The following FCHSD2 variants were observed in gnomAD, a reference collection of about 807,000 sequenced individuals.
The protein encoded by FCHSD2 is FCH and double SH3 domains 2.
In FCHSD2, 38 loss-of-function variants were observed where a neutral mutation model predicts 108.1. The observed-to-expected ratio is 0.35, with a 90% CI of 0.27 to 0.46. The LOEUF (loss-of-function observed/expected upper bound fraction) is 0.46. Ranked by LOEUF, FCHSD2 falls within the 20% of genes least tolerant of loss-of-function variation. FCHSD2 has a pLI of 1.00. For synonymous variants in FCHSD2, 279 were observed against 314.7 expected (o/e 0.89, Z 1.20); for missense variants, 751 against 897.8 (o/e 0.84, Z 2.09).
At chr11:72,949,578 A>G (rs1354142717) in intron 8 of FCHSD2, among the ~76,000 whole-genome samples, 2 of 152,236 alleles carry the variant, frequency 1.3e-5, no homozygotes, top group African/African-American at 2.4e-5. Flanking sequence ...TCTACTTTCT[A>G]CATTTCTGGA....
At chr11:72,855,320 C>A (rs539496497) in intron 13 of FCHSD2, among the ~76,000 whole-genome samples, 184 of 150,512 alleles carry the variant, frequency 1.2e-3, no homozygotes, top group African/African-American at 4.0e-3. Context: ...ACAAAAAAGA[C>A]CAAAAAGTTG....
chr11:73,100,138 C>A (rs562629065), intron 2 of FCHSD2, among the ~76,000 whole-genome samples: 70 of 152,294 alleles, frequency 4.6e-4, no homozygotes, highest in African/African-American at 1.5e-3. Context: ...GCTGCCCCCA[C>A]CACTCTTCTC....
chr11:72,875,801 G>A (rs1854956509), intron 12 of FCHSD2, among the ~76,000 whole-genome samples: 1 of 152,122 alleles, frequency 6.6e-6, no homozygotes, highest in South Asian at 2.1e-4. Context: ...TTGGCTAGTG[G>A]GGCATTTGCC....
chr11:73,040,016 C>A (rs1353243463), intron 3 of FCHSD2, among the ~76,000 whole-genome samples: 1 of 152,152 alleles, frequency 6.6e-6, no homozygotes, highest in Admixed American at 6.5e-5. Context: ...TTTCTCCCAG[C>A]AAAATGGAGG....
intron 2 of FCHSD2, among the ~76,000 whole-genome samples, chr11:73,112,962 G>A (rs193171980): frequency 3.5e-4 from 54 of 152,170 alleles, no homozygotes; most frequent in African/African-American, 1.0e-3. Flanking sequence ...CACTGCCCTC[G>A]GCCAGATATG....
intron 2 of FCHSD2, among the ~76,000 whole-genome samples, chr11:73,094,890 G>A (rs572910160): frequency 9.9e-5 from 15 of 152,138 alleles, no homozygotes; most frequent in Non-Finnish European, 1.6e-4. Flanking sequence ...CAAGCGGAAC[G>A]AACAACTGAA....
chr11:72,848,407 G>A (rs1413761088), intron 14 of FCHSD2, among the ~76,000 whole-genome samples: 1 of 152,172 alleles, frequency 6.6e-6, no homozygotes, highest in Admixed American at 6.5e-5. Flanking sequence ...ACTGCATCTA[G>A]AAAGGTCTTA....
intron 3 of FCHSD2, among the ~76,000 whole-genome samples, chr11:73,031,875 G>C (rs1037083021): frequency 2.6e-5 from 4 of 152,172 alleles, no homozygotes; most frequent in African/African-American, 7.2e-5. Flanking sequence ...TATAGGGAAG[G>C]CACTGTATTA....
At chr11:73,077,322 C>T (rs944831238) in intron 3 of FCHSD2, among the ~76,000 whole-genome samples, 47 of 152,082 alleles carry the variant, frequency 3.1e-4, no homozygotes, top group South Asian at 8.3e-4. Context: ...TGCTTAGCAT[C>T]ATTAGATATT....
chr11:72,985,022 G>T, intron 7 of FCHSD2, 40 bp downstream of exon 7: 1 of 808,250 alleles, frequency 1.2e-6, no homozygotes, highest in South Asian at 1.5e-5. Flanking sequence ...TACAAGCTAA[G>T]AGGTTTCTCA....
At chr11:72,922,487 G>A (rs968456425) in intron 8 of FCHSD2, among the ~76,000 whole-genome samples, 1 of 151,946 alleles carries the variant, frequency 6.6e-6, no homozygotes, top group Admixed American at 6.6e-5. Flanking sequence ...ATCTATGAAG[G>A]GTTGGAAACA....
chr11:72,878,282 C>A (rs183249206), intron 12 of FCHSD2, among the ~76,000 whole-genome samples: 1 of 151,950 alleles, frequency 6.6e-6, no homozygotes, highest in African/African-American at 2.4e-5. Flanking sequence ...ATATTGAGAC[C>A]CTGTCTCTAA....
chr11:73,141,433 G>C (rs1445272868), intron 1 of FCHSD2: 1 of 184,488 alleles, frequency 5.4e-6, no homozygotes, highest in Non-Finnish European at 1.1e-5. Context: ...TTTGCAAACG[G>C]GCGGGGCTGG....
At chr11:72,934,945 C>G (rs1273881772) in intron 8 of FCHSD2, among the ~76,000 whole-genome samples, 1 of 152,082 alleles carries the variant, frequency 6.6e-6, no homozygotes, top group East Asian at 1.9e-4. Flanking sequence ...AATTTGAATG[C>G]CTTTAAGCAG....
intron 12 of FCHSD2, among the ~76,000 whole-genome samples, 175 bp downstream of exon 12, chr11:72,887,295 A>G (rs1855217561): frequency 6.6e-6 from 1 of 152,032 alleles, no homozygotes; most frequent in Admixed American, 6.6e-5. Flanking sequence ...TCTTTTTGTT[A>G]TATGTACTGC....
intron 13 of FCHSD2, among the ~76,000 whole-genome samples, chr11:72,856,897 C>T (rs886336421): frequency 3.1e-4 from 47 of 152,132 alleles, no homozygotes; most frequent in African/African-American, 1.1e-3. Context: ...ACATTGCCTT[C>T]ATATTCTAGG....
At chr11:72,856,990 G>A (rs1565290844) in intron 13 of FCHSD2, among the ~76,000 whole-genome samples, 1 of 152,116 alleles carries the variant, frequency 6.6e-6, no homozygotes, top group Non-Finnish European at 1.5e-5. Flanking sequence ...TAAAAATGTG[G>A]GTAGAACAAG....
chr11:72,964,453 C>T (rs1380441284), intron 8 of FCHSD2, among the ~76,000 whole-genome samples: 2 of 152,190 alleles, frequency 1.3e-5, no homozygotes, highest in Non-Finnish European at 2.9e-5. Flanking sequence ...GTTATTCCTT[C>T]CCCTTTGTGC....
chr11:72,924,203 A>ATTT (rs924455467), intron 8 of FCHSD2, among the ~76,000 whole-genome samples: 4 of 152,284 alleles, frequency 2.6e-5, no homozygotes, highest in Admixed American at 2.6e-4. Context: ...AGCCTCCTAA[A>ATTT]TAGCTGGGAC....
Sources: allele counts gnomAD v4.1 joint callset (sites outside exome capture counted in the v4.1 genomes callset), GRCh38; gene constraint gnomAD v4.1.1; transcripts MANE v1.5; gene names NCBI Gene and HGNC (gene_info 2026-07-23, HGNC 2026-07-21).